Variants in GRIK3 observed in about 807,000 individuals in gnomAD.
GRIK3 encodes the protein glutamate ionotropic receptor kainate type subunit 3, also known as glutamate receptor ionotropic, kainate 3.
A neutral mutation model predicts 102.5 loss-of-function variants in GRIK3; 29 were observed. That is an observed-to-expected ratio of 0.28 (90% CI 0.21 to 0.39). The LOEUF (loss-of-function observed/expected upper bound fraction) is 0.39. Ranked by LOEUF, GRIK3 falls within the 10% of genes least tolerant of loss-of-function variation. The pLI is 1.00. For synonymous variants in GRIK3, 511 were observed against 504.9 expected (o/e 1.01, Z -0.16); for missense variants, 908 against 1,252.4 (o/e 0.73, Z 4.15).
Position 36,890,183 on chromosome 1 carries a change from G to GA in GRIK3, c.292+736dup, listed in dbSNP as rs537350086. On this transcript the variant is annotated intron_variant, in intron 2 of 15. Coordinates refer to ENST00000373091, the MANE Select transcript of GRIK3 (RefSeq NM_000831.4). ...CAGCAGAGTGGCCTCAAAAATGTCA[G>GA]AATGGCCAGGCACAGTGGCCTGTAA... 5.3e-5 allele frequency among the ~76,000 whole-genome samples: 8 copies of GA among 152,226 alleles called. No homozygotes were observed. In the South Asian group the frequency reaches 1.7e-3, roughly 32 times the overall value.
chr1:36,971,809 C>T (rs952780929), intron 1 of GRIK3, among the ~76,000 whole-genome samples: 1 of 152,168 alleles, frequency 6.6e-6, no homozygotes, highest in African/African-American at 2.4e-5. Flanking sequence ...TCCACATTCC[C>T]CCACCTGACA....
chr1:36,802,131 C>T (rs1280085203), intron 15 of GRIK3, 86 bp from the exon 16 acceptor site: 4 of 956,482 alleles, frequency 4.2e-6, no homozygotes, highest in Non-Finnish European at 6.3e-6. Flanking sequence ...TCCCCTTTCT[C>T]CCAGAGTCTG....
intron 1 of GRIK3, among the ~76,000 whole-genome samples, chr1:37,031,816 C>A (rs1456653511): frequency 6.6e-6 from 1 of 152,198 alleles, no homozygotes; most frequent in Non-Finnish European, 1.5e-5. Context: ...CTGTCCATGT[C>A]CACTGTAGCT....
chr1:36,999,009 T>C (rs1258612974), intron 1 of GRIK3, among the ~76,000 whole-genome samples: 1 of 60,164 alleles, frequency 1.7e-5, no homozygotes, highest in Non-Finnish European at 3.6e-5. Context: ...TGTGTGTGTA[T>C]GTGTGTGTGT....
intron 1 of GRIK3, among the ~76,000 whole-genome samples, chr1:36,993,236 G>C (rs1322149078): frequency 6.6e-6 from 1 of 152,116 alleles, no homozygotes; most frequent in Non-Finnish European, 1.5e-5. Flanking sequence ...GGGCCTGAGA[G>C]TACCACTTTG....
At chr1:37,013,077 A>G (rs552492210) in intron 1 of GRIK3, among the ~76,000 whole-genome samples, 1 of 152,336 alleles carries the variant, frequency 6.6e-6, no homozygotes, top group African/African-American at 2.4e-5. Context: ...GAGGCCTCAC[A>G]ATCATGGCAG....
intron 5 of GRIK3, among the ~76,000 whole-genome samples, chr1:36,862,966 G>A (rs910393402): frequency 2.6e-5 from 4 of 152,176 alleles, no homozygotes; most frequent in East Asian, 1.9e-4. Context: ...TACCTTACTC[G>A]TCTTGGCAAT....
At position 36,865,546 on chromosome 1, in the gene GRIK3, G is replaced by GGA. The variant is rs537324055; in HGVS notation, c.786+4201_786+4202insTC. Among the ~76,000 whole-genome samples, 434 of 152,344 alleles carry GGA rather than the reference G, an allele frequency of 2.8e-3. 3 individuals carry two copies. The highest frequency in any genetic ancestry group is 0.01 in the African/African-American group (419 of 41,564). On this transcript the variant is annotated intron_variant, in intron 5 of 15. Transcript: ENST00000373091. ...ATATGACTGAGGGAGAGGACCAGGA[G>GGA]CACAGCTGGTGCTCCAACCGATGGG...
At chr1:37,005,278 G>A (rs112547183) in intron 1 of GRIK3, among the ~76,000 whole-genome samples, 11 of 152,262 alleles carry the variant, frequency 7.2e-5, no homozygotes, top group African/African-American at 2.4e-4. Flanking sequence ...CTTACCTGTG[G>A]CTGCATCTCT....
chr1:36,877,682 G>A (rs1005204341), intron 3 of GRIK3, among the ~76,000 whole-genome samples: 9 of 152,208 alleles, frequency 5.9e-5, no homozygotes, highest in South Asian at 4.1e-4. Context: ...AAGCTGCTAG[G>A]TACAGTCCAA....
chr1:36,808,552 A>G (rs937698685), intron 13 of GRIK3, among the ~76,000 whole-genome samples: 1 of 152,214 alleles, frequency 6.6e-6, no homozygotes, highest in Non-Finnish European at 1.5e-5. Context: ...GCCAGCTATC[A>G]GTGAAAAACT....
intron 2 of GRIK3, among the ~76,000 whole-genome samples, chr1:36,885,931 A>G (rs1641032172): frequency 6.6e-6 from 1 of 152,130 alleles, no homozygotes; most frequent in Non-Finnish European, 1.5e-5. Flanking sequence ...TTTCCATGGC[A>G]ATTGTAGTTA....
chr1:36,834,648 C>G (rs1270679910), intron 10 of GRIK3, among the ~76,000 whole-genome samples: 2 of 152,114 alleles, frequency 1.3e-5, no homozygotes, highest in Non-Finnish European at 2.9e-5. Flanking sequence ...CCAGCCTGTG[C>G]CTATTTCTTA....
chr1:36,957,916 G>T (rs138479420), intron 1 of GRIK3, among the ~76,000 whole-genome samples: 6 of 45,024 alleles, frequency 1.3e-4, no homozygotes, highest in African/African-American at 8.4e-4. Flanking sequence ...TCTGTGCCCC[G>T]TGAGCCTGTG....
chr1:36,891,337 A>G (rs951848572), intron 1 of GRIK3, among the ~76,000 whole-genome samples: 1 of 152,258 alleles, frequency 6.6e-6, no homozygotes, highest in African/African-American at 2.4e-5. Flanking sequence ...AAATAAGATT[A>G]CCAACTTATT....
chr1:36,825,180 C>G (rs1178321131), intron 11 of GRIK3, among the ~76,000 whole-genome samples: 1 of 152,122 alleles, frequency 6.6e-6, no homozygotes, highest in Non-Finnish European at 1.5e-5. Flanking sequence ...GGGCACTGTT[C>G]CCCCTGCTGT....
intron 1 of GRIK3, among the ~76,000 whole-genome samples, chr1:37,018,592 A>G (rs1642677767): frequency 6.6e-6 from 1 of 152,156 alleles, no homozygotes; most frequent in Non-Finnish European, 1.5e-5. Flanking sequence ...TAATAAGGAG[A>G]AAGCATTAAT....
At chr1:36,861,939 A>T (rs560576021) in intron 5 of GRIK3, among the ~76,000 whole-genome samples, 16 of 151,926 alleles carry the variant, frequency 1.1e-4, no homozygotes, top group African/African-American at 3.4e-4. Context: ...GTCAGTAGGG[A>T]GTGGGGGGTG....
chr1:36,992,602 G>A (rs926386913), intron 1 of GRIK3, among the ~76,000 whole-genome samples: 3 of 152,166 alleles, frequency 2.0e-5, no homozygotes, highest in Non-Finnish European at 2.9e-5. Flanking sequence ...AGGTGAAGAG[G>A]AGGAGACATG....
Sources: allele counts gnomAD v4.1 joint callset (sites outside exome capture counted in the v4.1 genomes callset), GRCh38; gene constraint gnomAD v4.1.1; transcripts MANE v1.5; gene names NCBI Gene and HGNC (gene_info 2026-07-23, HGNC 2026-07-21).